Variants in UBR1 observed in about 807,000 individuals in gnomAD.
The protein encoded by UBR1 is E3 ubiquitin-protein ligase UBR1.
A neutral mutation model predicts 242.1 loss-of-function variants in UBR1; 102 were observed. That is an observed-to-expected ratio of 0.42 (90% CI 0.36 to 0.50). UBR1 has a LOEUF of 0.50. Among genes scored for constraint, UBR1 ranks in the 20% least tolerant of loss-of-function variants. The pLI, the probability that UBR1 is intolerant of heterozygous loss-of-function variation, is 0.01. For synonymous variants in UBR1, 675 were observed against 684.8 expected, an observed-to-expected ratio of 0.99 and a Z score of 0.22; for missense variants, 1,772 against 2,101.8, an observed-to-expected ratio of 0.84 and a Z score of 3.07.
chr15:42,972,308 T>C (rs1382436684), intron 39 of UBR1, among the ~76,000 whole-genome samples: 2 of 152,198 alleles, frequency 1.3e-5, no homozygotes, highest in African/African-American at 2.4e-5. Context: ...TTATTTTAGC[T>C]AGTAATAGGC....
intron 1 of UBR1, among the ~76,000 whole-genome samples, chr15:43,095,622 G>A (rs1353931139): frequency 6.6e-6 from 1 of 151,770 alleles, no homozygotes; most frequent in Non-Finnish European, 1.5e-5. Flanking sequence ...GAGGAGGCAT[G>A]TTAACTGAAA....
At chr15:43,076,579 G>GC in intron 3 of UBR1, among the ~76,000 whole-genome samples, 1 of 150,242 alleles carries the variant, frequency 6.7e-6, no homozygotes, top group Non-Finnish European at 1.5e-5. Context: ...TGTGAGGAGC[G>GC]CCTCTGCTGG....
chr15:43,093,113 A>G (rs1325983059), intron 1 of UBR1, among the ~76,000 whole-genome samples: 1 of 152,234 alleles, frequency 6.6e-6, no homozygotes, highest in Non-Finnish European at 1.5e-5. Flanking sequence ...AGTTCTTAAC[A>G]AGTTCTCAAC....
intron 6 of UBR1, among the ~76,000 whole-genome samples, chr15:43,067,003 T>C (rs1007459841): frequency 3.9e-5 from 6 of 152,206 alleles, no homozygotes; most frequent in Non-Finnish European, 7.4e-5. Context: ...AGAATTCTTA[T>C]GTACTCAGAA....
rs566501184 is a variant in UBR1, at chr15:43,031,342, A to C, written c.2254+1226T>G. Among the ~76,000 whole-genome samples the C allele has an allele frequency of 4.6e-5, 7 of 152,328 alleles. 1 individual carries two copies. The South Asian group carries it at 1.2e-3, about 27-fold the overall frequency. ...ATAAAACAGTAAAAATAAAACAGCA[A>C]AATTATACTACAATATTAGAGATTC... On this transcript the variant is annotated intron_variant, in intron 20 of 46. Coordinates refer to ENST00000290650, the MANE Select transcript of UBR1 (RefSeq NM_174916.3).
intron 1 of UBR1, among the ~76,000 whole-genome samples, chr15:43,104,696 AG>A (rs1022130588): frequency 3.3e-5 from 5 of 151,158 alleles, no homozygotes; most frequent in African/African-American, 7.4e-5. Flanking sequence ...AATTGTATGC[AG>A]GGTTAAAAAA....
chr15:42,968,638 A>G (rs2032151682), intron 40 of UBR1, among the ~76,000 whole-genome samples: 1 of 152,072 alleles, frequency 6.6e-6, no homozygotes, highest in Non-Finnish European at 1.5e-5. Flanking sequence ...CGTCATCTAC[A>G]TTAGGTATTT....
rs190863176 is a variant in UBR1, at chr15:43,063,100, T to C, written c.799-2986A>G. On this transcript the variant is annotated intron_variant, in intron 6 of 46. Coordinates refer to ENST00000290650, the MANE Select transcript of UBR1 (RefSeq NM_174916.3). The stretch of plus-strand genomic sequence containing the variant: ...ATTATCTCATGTCCTATTTTACCTT[T>C]TGAATAATCATTTATTAAAAAGCTT... Among the ~76,000 whole-genome samples, 20 of 152,328 alleles carry C rather than the reference T, an allele frequency of 1.3e-4. No homozygotes were observed. In the East Asian group the frequency reaches 3.5e-3, roughly 26 times the overall value.
At chr15:43,093,951 T>G (rs2034132617) in intron 1 of UBR1, among the ~76,000 whole-genome samples, 1 of 152,138 alleles carries the variant, frequency 6.6e-6, no homozygotes, top group African/African-American at 2.4e-5. Flanking sequence ...CGTCTCTCAT[T>G]TCTAGTCTCT....
At chr15:42,979,093 C>G (rs919390424) in intron 37 of UBR1, among the ~76,000 whole-genome samples, 1 of 151,946 alleles carries the variant, frequency 6.6e-6, no homozygotes, top group Non-Finnish European at 1.5e-5. Flanking sequence ...TGGTGTTTCA[C>G]CATGTTGGCC....
At chr15:43,024,006 C>T (rs540196636) in intron 25 of UBR1, among the ~76,000 whole-genome samples, 30 of 152,242 alleles carry the variant, frequency 2.0e-4, no homozygotes, top group South Asian at 6.2e-4. Flanking sequence ...CAATGGACTA[C>T]GCAGCTATCA....
rs1390453622 is a variant in UBR1, at chr15:42,960,692, T to G, written c.4710A>C (p.Ala1570=). ...TCAAACAGTTTAGTAAGGCAGGATC[T>G]GCACACCACCTGTATGTGGAGCCAA... ...TVRPLLQRWC[A]DPALLNCLKQ... Residue 1570 remains alanine (A), a synonymous_variant, in exon 43 of 47, where the codon GCA becomes GCC. Transcript: ENST00000290650. 6.2e-7 allele frequency: 1 copy of G among 1,614,030 alleles called. No homozygotes were observed. Among genetic ancestry groups the G allele is most frequent in the East Asian group, 2.2e-5 (1 of 44,858 alleles).
chr15:43,060,541 T>C (rs111489370), intron 6 of UBR1, among the ~76,000 whole-genome samples: 2 of 152,210 alleles, frequency 1.3e-5, no homozygotes, highest in African/African-American at 4.8e-5. Flanking sequence ...GCTGGACTAC[T>C]GATTCCACCA....
At chr15:42,996,615 C>T (rs2032643956) in intron 33 of UBR1, among the ~76,000 whole-genome samples, 1 of 151,972 alleles carries the variant, frequency 6.6e-6, no homozygotes, top group South Asian at 2.1e-4. Flanking sequence ...ACCCCCCCAA[C>T]AAAACAAACA....
chr15:42,986,822 C>G (rs977131686), intron 35 of UBR1, among the ~76,000 whole-genome samples: 1 of 152,212 alleles, frequency 6.6e-6, no homozygotes, highest in Non-Finnish European at 1.5e-5. Context: ...CACGGCAGTA[C>G]CCGGGGACCA....
In UBR1 at chr15:43,022,709, C is replaced by T. The variant is rs1335217702; in HGVS notation, c.2832G>A (p.Lys944=). ...EEEVTFDFYH[K]ASRLGSSAMN... ...AGTGATACTCAAACATACTTGAAGC[C>T]TTATGATAAAAGTCAAATGTTACTT... Residue 944 remains lysine, a synonymous_variant, in exon 26 of 47, where the codon AAG becomes AAA. Transcript: ENST00000290650. The T allele has an allele frequency of 6.2e-7, 1 of 1,608,532 alleles. No individual in the cohort carries two copies. The highest frequency in any genetic ancestry group is 8.5e-7 in the Non-Finnish European group (1 of 1,175,998).
chr15:43,039,627 G>A (rs1449064638), intron 15 of UBR1, among the ~76,000 whole-genome samples: 1 of 152,170 alleles, frequency 6.6e-6, no homozygotes, highest in African/African-American at 2.4e-5. Context: ...TCTGCAAACA[G>A]GGACACTTTG....
At chr15:42,950,417 G>A in intron 45 of UBR1, 54 bp from the exon 46 acceptor site, 3 of 1,468,996 alleles carry the variant, frequency 2.0e-6, no homozygotes, top group South Asian at 1.1e-5. Flanking sequence ...GCAAATGATA[G>A]GCACTGCATC....
At chr15:43,073,459 A>T (rs2033848917) in intron 4 of UBR1, among the ~76,000 whole-genome samples, 1 of 152,168 alleles carries the variant, frequency 6.6e-6, no homozygotes, top group Non-Finnish European at 1.5e-5. Flanking sequence ...AATAGCTAGC[A>T]TTTCTCTAGA....
Sources: gnomAD v4.1 joint callset for allele counts (sites outside exome capture counted in the v4.1 genomes callset) on GRCh38, gnomAD v4.1.1 for gene constraint, MANE v1.5 for transcripts, NCBI Gene and HGNC (gene_info 2026-07-23, HGNC 2026-07-21) for gene names.